The following SGPL1 variants were observed in gnomAD, a reference collection of about 807,000 sequenced individuals.
SGPL1 encodes SP-lyase 1.
SGPL1 carries 37 observed loss-of-function variants against 68.9 expected under a neutral mutation model. The observed-to-expected ratio is 0.54, with a 90% CI of 0.41 to 0.71. SGPL1 has a LOEUF of 0.71. Among genes scored for constraint, SGPL1 ranks in the 30% least tolerant of loss-of-function variants. The probability of loss-of-function intolerance (pLI) is 0.00; values close to 1 mark genes in which losing one functional copy is unlikely to be tolerated. For synonymous variants in SGPL1, 236 were observed against 248.5 expected (o/e 0.95, Z 0.47); for missense variants, 551 against 704.6 (o/e 0.78, Z 2.47).
intron 4 of SGPL1, among the ~76,000 whole-genome samples, chr10:70,852,521 T>A (rs769823040): frequency 3.4e-4 from 52 of 152,314 alleles, no homozygotes; most frequent in Non-Finnish European, 6.5e-4. Context: ...CTCCTGAATT[T>A]TTTTTTCTTC....
rs185221332 is a variant in SGPL1 at position 70,860,072 on chromosome 10, A to G, written c.615+573A>G. Among the ~76,000 whole-genome samples the G allele has an allele frequency of 1.8e-4, 27 of 152,356 alleles. No homozygotes were observed. The East Asian group carries it at 5.2e-3, about 29-fold the overall frequency. The stretch of plus-strand genomic sequence containing the variant: ...GAACCTCATTTAGTTGCTATTAGGC[A>G]TAAAGAAAGGGGGAGGACATCATTA... On this transcript the variant is annotated intron_variant, in intron 7 of 14. Transcript: ENST00000373202.
intron 6 of SGPL1, 52 bp from the exon 7 acceptor site, chr10:70,859,319 T>C: frequency 7.7e-7 from 1 of 1,299,756 alleles, no homozygotes; most frequent in Non-Finnish European, 9.9e-7. Flanking sequence ...TGATTCTTTG[T>C]CCTGTATAGT....
intron 7 of SGPL1, among the ~76,000 whole-genome samples, chr10:70,860,868 T>G (rs939683434): frequency 2.0e-5 from 3 of 152,172 alleles, no homozygotes; most frequent in African/African-American, 7.2e-5. Flanking sequence ...AGGACACAGA[T>G]GAATAAATTG....
intron 13 of SGPL1, among the ~76,000 whole-genome samples, chr10:70,875,823 A>G (rs1236684205): frequency 6.6e-6 from 1 of 152,116 alleles, no homozygotes; most frequent in Non-Finnish European, 1.5e-5. Flanking sequence ...CTACTCTCCA[A>G]TCCATCTTGT....
intron 8 of SGPL1, chr10:70,869,484 G>A (rs1030274574): frequency 9.4e-6 from 2 of 211,834 alleles, no homozygotes; most frequent in African/African-American, 4.7e-5. Context: ...CTCATCCAAA[G>A]TCTCTGTCCC....
chr10:70,835,363 A>G (rs1208749232), intron 2 of SGPL1, among the ~76,000 whole-genome samples: 1 of 152,194 alleles, frequency 6.6e-6, no homozygotes, highest in Admixed American at 6.5e-5. Context: ...TCATAATGCA[A>G]TAGGCTAATG....
chr10:70,829,923 A>T (rs922502368), intron 2 of SGPL1, among the ~76,000 whole-genome samples: 9 of 152,172 alleles, frequency 5.9e-5, no homozygotes, highest in African/African-American at 2.2e-4. Flanking sequence ...TTAAAATCTC[A>T]TCATTTTAGT....
Position 70,877,530 on chromosome 10 carries a change from C to T in SGPL1, c.*195C>T, listed in dbSNP as rs765049507. The T allele has an allele frequency of 2.1e-5, 11 of 524,930 alleles. No homozygotes were observed. The highest frequency in any genetic ancestry group is 5.6e-5 in the African/African-American group (3 of 53,338). 32.5% of individuals were successfully genotyped at this position (524,930 alleles called of 1,614,324 possible). ...TTTGTGGTTTTTAATTTGAAGACCC[C>T]AGAGAATTCCATTACATAATGATTT... On this transcript the variant is annotated 3_prime_UTR_variant, in exon 15 of 15. Coordinates refer to ENST00000373202, the MANE Select transcript of SGPL1 (RefSeq NM_003901.4).
Position 70,871,079 on chromosome 10 carries a change from C to G in SGPL1, c.842C>G (p.Ala281Gly). Residue 281 changes from alanine (A) to glycine (G), a missense_variant, in exon 10 of 15, where the codon GCC (alanine) becomes GGC (glycine). By Grantham distance (60) the Ala-to-Gly change is moderately conservative. Transcript: ENST00000373202. ...AGAAGAGCTATCTCCAGGAACACTG[C>G]CATGCTCGTCTGTTCTACCCCACAG... ...AMRRAISRNTAMLVCSTPQFP... is the reference protein window; with the variant it reads ...AMRRAISRNTGMLVCSTPQFP... The G allele has an allele frequency of 6.2e-7, 1 of 1,613,856 alleles. No individual in the cohort carries two copies.
chr10:70,825,909 C>T (rs572924953), intron 2 of SGPL1, among the ~76,000 whole-genome samples: 40 of 152,258 alleles, frequency 2.6e-4, no homozygotes, highest in Non-Finnish European at 5.0e-4. Context: ...TGGCCTGGCG[C>T]GGTGGCTCAC....
intron 2 of SGPL1, among the ~76,000 whole-genome samples, chr10:70,817,226 C>T (rs555060995): frequency 6.6e-6 from 1 of 152,232 alleles, no homozygotes; most frequent in South Asian, 2.1e-4. Context: ...TCCATGTTGG[C>T]CAGGCTGGCC....
At chr10:70,822,264 A>G (rs1845351830) in intron 2 of SGPL1, among the ~76,000 whole-genome samples, 1 of 152,188 alleles carries the variant, frequency 6.6e-6, no homozygotes. Flanking sequence ...CAGGATGAAC[A>G]CTGTATTTGG....
At chr10:70,818,403 C>T (rs991197430) in intron 2 of SGPL1, among the ~76,000 whole-genome samples, 4 of 152,158 alleles carry the variant, frequency 2.6e-5, no homozygotes, top group Admixed American at 1.3e-4. Flanking sequence ...TACTTACAGG[C>T]GTGAGCCGCC....
chr10:70,875,288 G>T (rs1846365690), intron 12 of SGPL1, 114 bp from the exon 13 acceptor site: 1 of 676,254 alleles, frequency 1.5e-6, no homozygotes, highest in Admixed American at 2.5e-5. Flanking sequence ...AAGCCCAAAG[G>T]GTTAGATTGC....
Position 70,875,390 on chromosome 10 carries a change from T to C in SGPL1, c.1299-12T>C, listed in dbSNP as rs1846367774. 3.8e-6 allele frequency: 6 copies of C among 1,582,994 alleles called. No homozygotes were observed. The highest frequency in any genetic ancestry group is 5.2e-6 in the Non-Finnish European group (6 of 1,152,822). On this transcript the variant is annotated splice_polypyrimidine_tract_variant and intron_variant, in intron 12 of 14. Transcript: ENST00000373202. ...TTACTTTTTCTTCCTTCATTTATTT[T>C]TTTGTTTTAAGACTGGAAAATATCA...
intron 2 of SGPL1, among the ~76,000 whole-genome samples, chr10:70,819,916 G>C (rs900279961): frequency 1.3e-5 from 2 of 152,108 alleles, no homozygotes; most frequent in African/African-American, 4.8e-5. Flanking sequence ...TGGATTACAG[G>C]CATGAGCCAC....
Position 70,873,477 on chromosome 10 carries a change from C to T in SGPL1, c.1186C>T (p.Arg396Trp), listed in dbSNP as rs774877305. Reference protein sequence around the residue: ...IYASPTIAGSRPGGISAACWA... With the variant: ...IYASPTIAGSWPGGISAACWA... ...TGCTTCCCCAACCATCGCAGGCTCACGGCCTGGTGGCATTAGCGCAGCCTG... is the reference window on the plus strand; with the variant it reads ...TGCTTCCCCAACCATCGCAGGCTCATGGCCTGGTGGCATTAGCGCAGCCTG... The change falls in exon 12 of 15, where the codon CGG (arginine) becomes TGG (tryptophan). Residue 396 changes from arginine (R) to tryptophan (W), a missense_variant. Arg to Trp is a moderately radical substitution (Grantham distance 101). Coordinates refer to ENST00000373202, the MANE Select transcript of SGPL1 (RefSeq NM_003901.4). 3 of 1,614,220 alleles carry T rather than the reference C, an allele frequency of 1.9e-6. No individual in the cohort carries two copies. The highest frequency in any genetic ancestry group is 1.7e-5 in the Admixed American group (1 of 60,034).
chr10:70,864,867 G>A (rs1846151308), intron 7 of SGPL1, among the ~76,000 whole-genome samples: 1 of 152,126 alleles, frequency 6.6e-6, no homozygotes, highest in Non-Finnish European at 1.5e-5. Context: ...AGAATAACCA[G>A]GTCTATTCTG....
chr10:70,819,076 A>G (rs923098909), intron 2 of SGPL1, among the ~76,000 whole-genome samples: 1 of 152,208 alleles, frequency 6.6e-6, no homozygotes, highest in Admixed American at 6.5e-5. Flanking sequence ...TATATGTAAG[A>G]TATTTCCCCA....
Sources: gnomAD v4.1 joint callset for allele counts (sites outside exome capture counted in the v4.1 genomes callset) on GRCh38, gnomAD v4.1.1 for gene constraint, MANE v1.5 for transcripts, NCBI Gene and HGNC (gene_info 2026-07-23, HGNC 2026-07-21) for gene names.